The following SLC30A6 variants were observed in gnomAD, a reference collection of about 807,000 sequenced individuals.
SLC30A6 encodes the protein solute carrier family 30 member 6, also known as zinc transporter 6.
In SLC30A6, 55 loss-of-function variants were observed where a neutral mutation model predicts 63.0. The ratio of observed to expected loss-of-function variants is 0.87; its 90% CI spans 0.70 to 1.09. The LOEUF (loss-of-function observed/expected upper bound fraction) is 1.09. SLC30A6 is among the 50% of genes least tolerant of loss of function. The pLI is 0.00. For missense variants in SLC30A6, 587 were observed against 549.2 expected (o/e 1.07, Z -0.69); for synonymous variants, 224 against 186.1 (o/e 1.20, Z -1.66).
intron 10 of SLC30A6, among the ~76,000 whole-genome samples, chr2:32,200,292 C>T (rs1257128669): frequency 6.6e-6 from 1 of 151,978 alleles, no homozygotes; most frequent in Non-Finnish European, 1.5e-5. Context: ...CTAATGTGAT[C>T]ATTCAAAATT....
rs564803931 is a variant in SLC30A6 at position 32,183,687 on chromosome 2, C to CAA, written c.219-570_219-569dup. Reference sequence around the variant, plus strand: ...TGGGCAACAGAGCGAGACTCTGTCTCAAAAAAAAAAAAAAAAAGCATGCCT... The same window carrying CAA: ...TGGGCAACAGAGCGAGACTCTGTCTCAAAAAAAAAAAAAAAAAAAGCATGCCT... On this transcript the variant is annotated intron_variant, in intron 4 of 13. Transcript: ENST00000282587. Among the ~76,000 whole-genome samples, 220 of 109,832 alleles carry CAA rather than the reference C, an allele frequency of 2.0e-3. 2 individuals carry two copies. Among genetic ancestry groups the CAA allele is most frequent in the Middle Eastern group, 0.018 (3 of 168 alleles). 72.1% of individuals were successfully genotyped at this position (109,832 alleles called of 152,430 possible). A position where few individuals can be genotyped will look rare whatever the true frequency, so the allele number is the denominator to read the frequency against.
intron 3 of SLC30A6, 104 bp from the exon 4 acceptor site, chr2:32,175,214 GT>G: frequency 5.5e-6 from 6 of 1,088,716 alleles, no homozygotes; most frequent in Admixed American, 2.5e-5. Flanking sequence ...TGACTCAAAA[GT>G]TTTTTTGATA....
At chr2:32,217,907 G>A (rs1685843577) in intron 13 of SLC30A6, among the ~76,000 whole-genome samples, 1 of 151,320 alleles carries the variant, frequency 6.6e-6, no homozygotes, top group South Asian at 2.1e-4. Flanking sequence ...CAGTGGTGCA[G>A]CCACTGCAGC....
At chr2:32,220,030 A>T (rs1025850278) in intron 13 of SLC30A6, among the ~76,000 whole-genome samples, 183 bp from the exon 14 acceptor site, 16 of 152,180 alleles carry the variant, frequency 1.1e-4, no homozygotes, top group African/African-American at 3.9e-4. Context: ...AGATTCACAA[A>T]TTATTTAACT....
At chr2:32,168,750 G>C (rs1044661259) in intron 1 of SLC30A6, among the ~76,000 whole-genome samples, 1 of 152,140 alleles carries the variant, frequency 6.6e-6, no homozygotes, top group East Asian at 1.9e-4. Flanking sequence ...AGACAAAAGA[G>C]TAGACCAGTT....
At chr2:32,190,546 G>A (rs1208151979) in intron 5 of SLC30A6, among the ~76,000 whole-genome samples, 1 of 152,040 alleles carries the variant, frequency 6.6e-6, no homozygotes, top group Non-Finnish European at 1.5e-5. Flanking sequence ...CATACCCCCA[G>A]GTCAGAAAGA....
chr2:32,181,867 C>A (rs758825931), intron 4 of SLC30A6, among the ~76,000 whole-genome samples: 77 of 123,132 alleles, frequency 6.3e-4, no homozygotes, highest in Non-Finnish European at 7.7e-4. Flanking sequence ...GACTCCGTCT[C>A]AAAAAAAAAA....
chr2:32,200,346 T>C (rs1468534649), intron 10 of SLC30A6, among the ~76,000 whole-genome samples: 1 of 152,066 alleles, frequency 6.6e-6, no homozygotes. Context: ...ACCCTCCCCT[T>C]GAGGTGTACC....
At chr2:32,191,069 C>T (rs746478783) in intron 5 of SLC30A6, among the ~76,000 whole-genome samples, 4 of 152,100 alleles carry the variant, frequency 2.6e-5, no homozygotes, top group Admixed American at 2.6e-4. Context: ...CTTTGAAATA[C>T]CTATTGATAT....
chr2:32,185,053 C>T (rs1411279072), intron 5 of SLC30A6, among the ~76,000 whole-genome samples: 1 of 152,108 alleles, frequency 6.6e-6, no homozygotes, highest in African/African-American at 2.4e-5. Flanking sequence ...AATAGATCAA[C>T]AAATAATTTG....
intron 5 of SLC30A6, among the ~76,000 whole-genome samples, chr2:32,191,402 A>C (rs956973647): frequency 6.6e-6 from 1 of 152,094 alleles, no homozygotes; most frequent in South Asian, 2.1e-4. Flanking sequence ...GTACAGTCTT[A>C]ATTTTTTTGT....
intron 10 of SLC30A6, chr2:32,202,944 C>G: frequency 1.8e-6 from 2 of 1,133,626 alleles, no homozygotes; most frequent in South Asian, 2.5e-5. Context: ...TGGAGATGTC[C>G]TTCAAGTCTA....
chr2:32,212,206 G>A (rs556018873), intron 13 of SLC30A6, among the ~76,000 whole-genome samples: 14 of 151,796 alleles, frequency 9.2e-5, no homozygotes, highest in African/African-American at 3.1e-4. Context: ...TTTCTAAAGT[G>A]ATCTTTTTTT....
At chr2:32,194,885 C>T (rs564586559) in intron 8 of SLC30A6, among the ~76,000 whole-genome samples, 4 of 152,070 alleles carry the variant, frequency 2.6e-5, no homozygotes, top group Non-Finnish European at 4.4e-5. Flanking sequence ...AACACTTACT[C>T]TAGAAATTTT....
chr2:32,214,431 T>A lies in SLC30A6; in HGVS notation c.885+4870T>A, dbSNP rs553544009. The A allele has an allele frequency of 1.4e-4, 22 of 152,276 alleles. No homozygotes were observed. In the South Asian group the frequency reaches 3.1e-3, roughly 22 times the overall value. The allele number at this position is 152,276 out of a possible 1,614,324, so 9.4% of individuals were successfully genotyped here. Reference sequence around the variant, plus strand: ...TGTTCATTTTTAACCATTCTTTCCTTTATTTTTTTAATTAATTAATTTTTT... The same window carrying A: ...TGTTCATTTTTAACCATTCTTTCCTATATTTTTTTAATTAATTAATTTTTT... On this transcript the variant is annotated intron_variant, in intron 13 of 13. Coordinates refer to ENST00000282587, the MANE Select transcript of SLC30A6 (RefSeq NM_017964.5).
chr2:32,211,623 T>A (rs1175422130), intron 13 of SLC30A6, among the ~76,000 whole-genome samples: 2 of 151,974 alleles, frequency 1.3e-5, no homozygotes, highest in African/African-American at 4.8e-5. Flanking sequence ...TTTTTTTTTT[T>A]ATTTTTATTT....
At chr2:32,197,965 G>T in intron 10 of SLC30A6, 139 bp downstream of exon 10, 1 of 1,001,540 alleles carries the variant, frequency 1.0e-6, no homozygotes, top group Non-Finnish European at 1.4e-6. Context: ...CTTTTCCTTA[G>T]GTGTCTTCAT....
chr2:32,172,412 C>G (rs1357913664), intron 2 of SLC30A6, among the ~76,000 whole-genome samples: 1 of 151,604 alleles, frequency 6.6e-6, no homozygotes, highest in Non-Finnish European at 1.5e-5. Flanking sequence ...TGGAATCTTG[C>G]TAAATTATCC....
At position 32,192,941 on chromosome 2, in the gene SLC30A6, C is replaced by G. The variant is rs769253936; in HGVS notation, c.389C>G (p.Pro130Arg). Residue 130 changes from proline to arginine, a missense_variant, in exon 7 of 14, where the codon CCC (proline) becomes CGC (arginine). Physicochemically the swap from Pro to Arg is moderately radical, Grantham distance 103. Transcript: ENST00000282587. Reference protein sequence around the residue: ...KESAERFLEQPEIHTGRLLVG... With the variant: ...KESAERFLEQREIHTGRLLVG... ...AGTGCAGAACGCTTTTTGGAACAGC[C>G]CGAGATACACACGTGAGATTTTATT... 1.3e-6 allele frequency: 2 copies of G among 1,513,178 alleles called. No homozygotes were observed. Among genetic ancestry groups the G allele is most frequent in the Non-Finnish European group, 1.8e-6 (2 of 1,116,444 alleles). 93.7% of individuals were successfully genotyped at this position (1,513,178 alleles called of 1,614,324 possible).
Sources: allele counts gnomAD v4.1 joint callset (sites outside exome capture counted in the v4.1 genomes callset), GRCh38; gene constraint gnomAD v4.1.1; transcripts MANE v1.5; gene names NCBI Gene and HGNC (gene_info 2026-07-23, HGNC 2026-07-21).